Variants in SPTLC3 observed in about 807,000 individuals in gnomAD.
SPTLC3 encodes the protein serine palmitoyltransferase long chain base subunit 3, also known as serine palmitoyltransferase 3.
SPTLC3 carries 36 observed loss-of-function variants against 59.3 expected under a neutral mutation model. The observed-to-expected ratio is 0.61, with a 90% confidence interval of 0.47 to 0.80. SPTLC3 has a LOEUF of 0.80. Among genes scored for constraint, SPTLC3 ranks in the 30% least tolerant of loss-of-function variants. The pLI, the probability that SPTLC3 is intolerant of heterozygous loss-of-function variation, is 0.00. For synonymous variants in SPTLC3, 257 were observed against 240.8 expected, an observed-to-expected ratio of 1.07 and a Z score of -0.62; for missense variants, 625 against 685.1, an observed-to-expected ratio of 0.91 and a Z score of 0.98.
chr20:13,152,511 C>A (rs571644279), intron 9 of SPTLC3, among the ~76,000 whole-genome samples: 3 of 152,164 alleles, frequency 2.0e-5, no homozygotes, highest in African/African-American at 4.8e-5. Flanking sequence ...CAGTGTCCTG[C>A]GCAGTGGCTT....
intron 2 of SPTLC3, 128 bp downstream of exon 2, chr20:13,049,258 AT>A (rs765604244): frequency 9.7e-7 from 1 of 1,034,768 alleles, no homozygotes. Flanking sequence ...GGCAAATTTC[AT>A]TCATCTCCAC....
chr20:13,065,067 CAGAT>C (rs988845162), intron 2 of SPTLC3, among the ~76,000 whole-genome samples: 1 of 152,072 alleles, frequency 6.6e-6, no homozygotes, highest in African/African-American at 2.4e-5. Context: ...CACAGTGTCT[CAGAT>C]AGTTGCATTG....
At chr20:13,073,758 A>C in intron 3 of SPTLC3, 1 of 571,118 alleles carries the variant, frequency 1.8e-6, no homozygotes, top group Non-Finnish European at 3.4e-6. Context: ...TATTCCAGAC[A>C]CGGTCCAAAG....
At chr20:13,163,367 CAAAA>C (rs56217510) in intron 11 of SPTLC3, among the ~76,000 whole-genome samples, 1,544 of 90,060 alleles carry the variant, frequency 0.017, 17 homozygotes, top group Middle Eastern at 0.024. Context: ...GACGCTGTCT[CAAAA>C]AAAAAAAAAA....
chr20:13,110,846 G>C (rs1028872726), intron 7 of SPTLC3, among the ~76,000 whole-genome samples: 7 of 152,228 alleles, frequency 4.6e-5, no homozygotes, highest in Admixed American at 3.3e-4. Flanking sequence ...GGCAAATTGA[G>C]GGGGATATCT....
chr20:13,112,941 G>A lies in SPTLC3; in HGVS notation c.932+2724G>A, dbSNP rs143170997. 2.8e-3 allele frequency among the ~76,000 whole-genome samples: 420 copies of A among 152,176 alleles called. 2 individuals carry two copies. The highest frequency in any genetic ancestry group is 9.3e-3 in the African/African-American group (385 of 41,516). On this transcript the variant is annotated intron_variant, in intron 7 of 11. Transcript: ENST00000399002. ...CTCATGCCTGTAATCCTATCACTTCGGGAGACCAAGGCAGGTGGATTACTT... is the reference window on the plus strand; with the variant it reads ...CTCATGCCTGTAATCCTATCACTTCAGGAGACCAAGGCAGGTGGATTACTT...
intron 6 of SPTLC3, among the ~76,000 whole-genome samples, chr20:13,103,346 G>A (rs1568602409): frequency 1.3e-5 from 2 of 152,120 alleles, no homozygotes; most frequent in African/African-American, 2.4e-5. Flanking sequence ...TTAAATACCC[G>A]CTACTTACTA....
At chr20:13,024,535 T>C (rs754383066) in intron 1 of SPTLC3, among the ~76,000 whole-genome samples, 35 of 152,292 alleles carry the variant, frequency 2.3e-4, no homozygotes, top group Non-Finnish European at 4.1e-4. Context: ...TCTTTTGAGG[T>C]AAAATTTACA....
chr20:13,058,792 T>C (rs1464649394), intron 2 of SPTLC3, among the ~76,000 whole-genome samples: 1 of 152,232 alleles, frequency 6.6e-6, no homozygotes, highest in Non-Finnish European at 1.5e-5. Flanking sequence ...AAGCCAATGC[T>C]GCTAGTCTAA....
chr20:13,072,882 T>C (rs188002788), intron 3 of SPTLC3, among the ~76,000 whole-genome samples: 12 of 152,222 alleles, frequency 7.9e-5, no homozygotes, highest in African/African-American at 2.4e-4. Flanking sequence ...AACTTCATCA[T>C]GGGTTTACCT....
At chr20:13,072,166 A>G in intron 2 of SPTLC3, 90 bp from the exon 3 acceptor site, 2 of 1,393,678 alleles carry the variant, frequency 1.4e-6, no homozygotes, top group Admixed American at 2.3e-5. Context: ...TTATTTCCAC[A>G]GCTCTTCCAG....
At chr20:13,144,505 T>G (rs866056679) in intron 9 of SPTLC3, among the ~76,000 whole-genome samples, 1 of 152,206 alleles carries the variant, frequency 6.6e-6, no homozygotes. Flanking sequence ...TCTATAGATA[T>G]AGAGGCAGAT....
chr20:13,129,960 G>A (rs925705893), intron 9 of SPTLC3, among the ~76,000 whole-genome samples: 5 of 152,224 alleles, frequency 3.3e-5, no homozygotes, highest in African/African-American at 1.2e-4. Flanking sequence ...AACAGAGAAT[G>A]CTATGTGTAT....
At chr20:13,088,784 A>ATTTTTTTTTTTTTT (rs375680092) in intron 4 of SPTLC3, among the ~76,000 whole-genome samples, 22 of 111,858 alleles carry the variant, frequency 2.0e-4, no homozygotes, top group East Asian at 1.8e-3. Context: ...GCACCCGGCT[A>ATTTTTTTTTTTTTT]TTTTTTTTTT....
At chr20:13,148,179 A>G (rs1246006364) in intron 9 of SPTLC3, among the ~76,000 whole-genome samples, 1 of 152,164 alleles carries the variant, frequency 6.6e-6, no homozygotes, top group Non-Finnish European at 1.5e-5. Context: ...GCCACTGATC[A>G]TTGTTTTTAT....
intron 4 of SPTLC3, among the ~76,000 whole-genome samples, chr20:13,080,628 C>T (rs2327689): frequency 0.28 from 41,815 of 151,618 alleles, 5,922 homozygotes; most frequent in Middle Eastern, 0.35. Context: ...TTTTCCCTAA[C>T]TGACAAAAGT....
chr20:13,091,037 C>A, intron 4 of SPTLC3, 46 bp from the exon 5 acceptor site: 1 of 1,605,788 alleles, frequency 6.2e-7, no homozygotes, highest in Non-Finnish European at 8.5e-7. Context: ...CAATCTTGGC[C>A]TTGTTGAAAA....
In SPTLC3 at chr20:13,110,167, A is replaced by C; in HGVS notation, c.882A>C (p.Arg294=). The change falls in exon 7 of 12, where the codon CGA becomes CGC. Residue 294 remains arginine (R), a synonymous_variant. Transcript: ENST00000399002. Reference sequence around the variant, plus strand: ...ATGCTGTCATCTATGGCCAGCCTCGAACCCGCAGAGCTTGGAAAAAGATTC... The same window carrying C: ...ATGCTGTCATCTATGGCCAGCCTCGCACCCGCAGAGCTTGGAAAAAGATTC... ...LRDAVIYGQP[R]TRRAWKKILI... The C allele has an allele frequency of 1.2e-6, 2 of 1,613,744 alleles. No homozygotes were observed. Among genetic ancestry groups the C allele is most frequent in the Non-Finnish European group, 1.7e-6 (2 of 1,179,766 alleles).
intron 6 of SPTLC3, among the ~76,000 whole-genome samples, chr20:13,107,962 G>A (rs368441054): frequency 1.3e-4 from 20 of 151,736 alleles, no homozygotes; most frequent in South Asian, 1.0e-3. Context: ...TTTTCTTAAG[G>A]ATGTTAAAGG....
Sources: gnomAD v4.1 joint callset for allele counts (sites outside exome capture counted in the v4.1 genomes callset) on GRCh38, gnomAD v4.1.1 for gene constraint, MANE v1.5 for transcripts, NCBI Gene and HGNC (gene_info 2026-07-23, HGNC 2026-07-21) for gene names.